The following LRMDA variants were observed in gnomAD, a reference collection of about 807,000 sequenced individuals.
LRMDA encodes leucine rich melanocyte differentiation associated, also known as leucine-rich melanocyte differentiation-associated protein.
Under a neutral mutation model 29.8 loss-of-function variants are expected in LRMDA, and 18 were observed. That is an observed-to-expected ratio of 0.60 (90% CI 0.42 to 0.90). The LOEUF (loss-of-function observed/expected upper bound fraction) is 0.90. Among genes scored for constraint, LRMDA ranks in the 40% least tolerant of loss-of-function variants. The probability of loss-of-function intolerance (pLI) is 0.00; values close to 1 mark genes in which losing one functional copy is unlikely to be tolerated. For synonymous variants in LRMDA, 125 were observed against 109.4 expected (o/e 1.14, Z -0.89); for missense variants, 273 against 273.9 (o/e 1.00, Z 0.02).
chr10:76,040,758 C>A (rs1468311641), intron 3 of LRMDA, among the ~76,000 whole-genome samples: 2 of 152,106 alleles, frequency 1.3e-5, no homozygotes, highest in African/African-American at 2.4e-5. Flanking sequence ...AAATGATTCT[C>A]CCCCACTTTC....
At chr10:76,044,498 G>A (rs1848396454) in intron 3 of LRMDA, among the ~76,000 whole-genome samples, 1 of 145,846 alleles carries the variant, frequency 6.9e-6, no homozygotes, top group Admixed American at 7.0e-5. Flanking sequence ...TTTAAAGATA[G>A]AAACTGCTAG....
intron 5 of LRMDA, among the ~76,000 whole-genome samples, chr10:76,155,312 C>T (rs12161696): frequency 0.16 from 24,612 of 151,990 alleles, 2,241 homozygotes; most frequent in Admixed American, 0.24. Flanking sequence ...CCTTCATTTG[C>T]TGGCAGTAAC....
intron 2 of LRMDA, among the ~76,000 whole-genome samples, chr10:75,983,799 C>T (rs1847215218): frequency 6.6e-6 from 1 of 152,274 alleles, no homozygotes; most frequent in African/African-American, 2.4e-5. Flanking sequence ...GGATTACAGG[C>T]ATCCACCACC....
chr10:76,104,419 C>T (rs1163979926), intron 5 of LRMDA, among the ~76,000 whole-genome samples: 1 of 152,072 alleles, frequency 6.6e-6, no homozygotes, highest in Non-Finnish European at 1.5e-5. Flanking sequence ...GGGCTACTTC[C>T]CCTCCCATTG....
At chr10:75,629,999 A>C (rs1013077941) in intron 2 of LRMDA, among the ~76,000 whole-genome samples, 9 of 152,246 alleles carry the variant, frequency 5.9e-5, no homozygotes, top group Admixed American at 1.3e-4. Flanking sequence ...TTTTATTAAC[A>C]CCTACATTTT....
intron 2 of LRMDA, among the ~76,000 whole-genome samples, chr10:75,630,826 G>A (rs944793493): frequency 2.0e-5 from 3 of 152,196 alleles, no homozygotes; most frequent in South Asian, 2.1e-4. Context: ...GACTTGGGCA[G>A]CCTTCATTCT....
chr10:75,964,969 T>C (rs995480488), intron 2 of LRMDA, among the ~76,000 whole-genome samples: 1 of 152,216 alleles, frequency 6.6e-6, no homozygotes, highest in Admixed American at 6.5e-5. Context: ...TTTCGCCATG[T>C]TGGCGAGGCT....
At chr10:75,809,597 T>A (rs1181155484) in intron 2 of LRMDA, among the ~76,000 whole-genome samples, 1 of 152,162 alleles carries the variant, frequency 6.6e-6, no homozygotes, top group Non-Finnish European at 1.5e-5. Context: ...TGAGCCTAGG[T>A]TGTGCCACTG....
chr10:76,013,484 A>G (rs1847821622), intron 2 of LRMDA, among the ~76,000 whole-genome samples: 1 of 152,140 alleles, frequency 6.6e-6, no homozygotes, highest in Admixed American at 6.5e-5. Flanking sequence ...ACCAACCCAC[A>G]CACAGAAGAG....
chr10:75,466,196 G>A (rs1373159692), intron 2 of LRMDA, among the ~76,000 whole-genome samples: 5 of 152,238 alleles, frequency 3.3e-5, no homozygotes, highest in Non-Finnish European at 7.3e-5. Flanking sequence ...TTGTGCGTCA[G>A]GAAGGGTTGG....
intron 2 of LRMDA, among the ~76,000 whole-genome samples, chr10:75,544,673 G>A (rs1429761016): frequency 6.6e-6 from 1 of 151,522 alleles, no homozygotes; most frequent in Non-Finnish European, 1.5e-5. Flanking sequence ...TTTTGTGTGT[G>A]TTTAAAAAAC....
chr10:75,762,536 C>T (rs912729357), intron 2 of LRMDA, among the ~76,000 whole-genome samples: 1 of 152,206 alleles, frequency 6.6e-6, no homozygotes, highest in Non-Finnish European at 1.5e-5. Flanking sequence ...ACCAGAGTCA[C>T]ATTCACCTTG....
chr10:75,997,303 T>C (rs528283849), intron 2 of LRMDA, among the ~76,000 whole-genome samples: 1 of 152,340 alleles, frequency 6.6e-6, no homozygotes, highest in South Asian at 2.1e-4. Flanking sequence ...CTTTCACTTA[T>C]AAACATTTAC....
rs182448707 is a variant in LRMDA at position 76,517,325 on chromosome 10, G to A, written c.602-39884G>A. Reference sequence around the variant, plus strand: ...AAAACTGCAGAGCACCAAAAACAAAGAGAAGATTTTATGAGTAGCCAGAAG... The same window carrying A: ...AAAACTGCAGAGCACCAAAAACAAAAAGAAGATTTTATGAGTAGCCAGAAG... On this transcript the variant is annotated intron_variant, in intron 6 of 6. Transcript: ENST00000611255. Among the ~76,000 whole-genome samples the A allele has an allele frequency of 2.2e-3, 331 of 152,194 alleles. 1 individual carries two copies. Among genetic ancestry groups the A allele is most frequent in the African/African-American group, 7.6e-3 (314 of 41,534 alleles).
At chr10:75,703,575 A>G (rs1294660631) in intron 2 of LRMDA, among the ~76,000 whole-genome samples, 3 of 152,216 alleles carry the variant, frequency 2.0e-5, no homozygotes, top group African/African-American at 4.8e-5. Flanking sequence ...ACAGCTTGCA[A>G]TTAAGCATGG....
At chr10:75,551,378 A>G (rs1840144768) in intron 2 of LRMDA, among the ~76,000 whole-genome samples, 1 of 152,034 alleles carries the variant, frequency 6.6e-6, no homozygotes, top group South Asian at 2.1e-4. Flanking sequence ...GTACATGTGC[A>G]GAACATACGG....
At chr10:76,429,021 T>TACACACACACAC (rs1461182414) in intron 6 of LRMDA, among the ~76,000 whole-genome samples, 2 of 67,294 alleles carry the variant, frequency 3.0e-5, no homozygotes, top group African/African-American at 9.4e-5. Context: ...CCCTGCCAAT[T>TACACACACACAC]ATACACACAC....
chr10:76,437,442 G>A (rs796528694), intron 6 of LRMDA: 1 of 152,178 alleles, frequency 6.6e-6, no homozygotes, highest in Admixed American at 6.5e-5. Context: ...GTTTTGTTTT[G>A]ATTGTTTTCC....
At chr10:75,487,535 T>C (rs541977774) in intron 2 of LRMDA, among the ~76,000 whole-genome samples, 5 of 152,320 alleles carry the variant, frequency 3.3e-5, no homozygotes, top group African/African-American at 9.6e-5. Flanking sequence ...GTGTTTGGGA[T>C]GTGTGGGAGG....
Sources: gnomAD v4.1 joint callset for allele counts (sites outside exome capture counted in the v4.1 genomes callset) on GRCh38, gnomAD v4.1.1 for gene constraint, MANE v1.5 for transcripts, NCBI Gene and HGNC (gene_info 2026-07-23, HGNC 2026-07-21) for gene names.